Variants in TTC38 observed in about 807,000 individuals in gnomAD.
The protein encoded by TTC38 is tetratricopeptide repeat domain 38, also known as tetratricopeptide repeat protein 38.
Under a neutral mutation model 64.2 loss-of-function variants are expected in TTC38, and 64 were observed. The ratio of observed to expected loss-of-function variants is 1.00; its 90% CI spans 0.81 to 1.23. The LOEUF (loss-of-function observed/expected upper bound fraction) is 1.23, where lower values mean the gene tolerates loss of function less well. Ranked by LOEUF, TTC38 falls within the 50% of genes most tolerant of loss-of-function variation. TTC38 has a pLI of 0.00. For synonymous variants in TTC38, 254 were observed against 249.3 expected, an observed-to-expected ratio of 1.02 and a Z score of -0.18; for missense variants, 573 against 615.5, an observed-to-expected ratio of 0.93 and a Z score of 0.73.
intron 8 of TTC38, 143 bp from the exon 9 acceptor site, chr22:46,285,098 G>A (rs891589191): frequency 2.0e-5 from 14 of 706,102 alleles, no homozygotes; most frequent in African/African-American, 5.3e-5. Flanking sequence ...ATGCCACCAA[G>A]ACACCGTCCG....
rs1361110903 is a variant in TTC38, at chr22:46,289,884, A to G, written c.1301A>G (p.His434Arg). The change falls in exon 13 of 14, where the codon CAT (histidine) becomes CGT (arginine). Residue 434 changes from histidine (H) to arginine (R), a missense_variant. His to Arg is a conservative substitution (Grantham distance 29). Coordinates refer to ENST00000381031, the MANE Select transcript of TTC38 (RefSeq NM_017931.4). ...GCCTTAAACTGCACCTCCAGCGTCC[A>G]TAAGAACGTAGCCCGGTGAGCTCCT... ...HAALNCTSSV[H>R]KNVARSLLME... 5 of 1,614,142 alleles carry G rather than the reference A, an allele frequency of 3.1e-6. No homozygotes were observed. The highest frequency in any genetic ancestry group is 4.2e-6 in the Non-Finnish European group (5 of 1,180,018).
Position 46,292,929 on chromosome 22 carries a change from C to A in TTC38, c.*45C>A. ...CCCTGCAGAACCTCAGTGGTGGCGT[C>A]ACTGCGTCCAGTCAGCTGCTCCACC... On this transcript the variant is annotated 3_prime_UTR_variant, in exon 14 of 14. Coordinates refer to ENST00000381031, the MANE Select transcript of TTC38 (RefSeq NM_017931.4). The surrounding 1 kb of genome is among the most constrained non-coding windows in gnomAD (Gnocchi z 6.5). The A allele has an allele frequency of 6.8e-7, 1 of 1,472,930 alleles. No homozygotes were observed. Among genetic ancestry groups the A allele is most frequent in the Non-Finnish European group, 9.5e-7 (1 of 1,054,110 alleles). 91.2% of individuals were successfully genotyped at this position (1,472,930 alleles called of 1,614,324 possible).
chr22:46,274,486 C>T lies in TTC38; in HGVS notation c.365+417C>T, dbSNP rs529088927. ...TGCACTGACTTTCACATCATCCCCC[C>T]GCTGTTCCTATGCTGGTTCCCTCAT... On this transcript the variant is annotated intron_variant, in intron 4 of 13. Transcript: ENST00000381031. The surrounding 1 kb of genome is among the most constrained non-coding windows in gnomAD (Gnocchi z 4.8). 2.6e-5 allele frequency among the ~76,000 whole-genome samples: 4 copies of T among 152,228 alleles called. No individual in the cohort carries two copies. The highest frequency in any genetic ancestry group is 6.5e-5 in the Admixed American group (1 of 15,290).
At chr22:46,286,036 A>G (rs2147798966) in intron 9 of TTC38, among the ~76,000 whole-genome samples, 1 of 151,310 alleles carries the variant, frequency 6.6e-6, no homozygotes, top group East Asian at 1.9e-4. Context: ...AAAAAAGTGT[A>G]TAGCTCTGTG....
In TTC38 at chr22:46,275,887, C is replaced by A. The variant is rs937862666; in HGVS notation, c.539+466C>A. Among the ~76,000 whole-genome samples, 1 of 152,152 alleles carries A rather than the reference C, an allele frequency of 6.6e-6. No individual in the cohort carries two copies. The highest frequency in any genetic ancestry group is 2.4e-5 in the African/African-American group (1 of 41,414). ...ATTAAAGGTTTAGAATGAAAGGATA[C>A]CCTGCCACTCCCAAGTCATTGGCCA... On this transcript the variant is annotated intron_variant, in intron 5 of 13. Coordinates refer to ENST00000381031, the MANE Select transcript of TTC38 (RefSeq NM_017931.4). This position sits in a 1 kb window ranked among gnomAD's most constrained non-coding sequence, Gnocchi z 4.5.
At chr22:46,277,042 T>TACACAC (rs1478498696) in intron 5 of TTC38, among the ~76,000 whole-genome samples, 32 of 71,452 alleles carry the variant, frequency 4.5e-4, no homozygotes, top group African/African-American at 1.6e-3. Flanking sequence ...TACATATATA[T>TACACAC]ACATACACAC....
chr22:46,284,055 C>A (rs758771563), intron 8 of TTC38, 23 bp downstream of exon 8: 1 of 1,583,856 alleles, frequency 6.3e-7, no homozygotes, highest in Non-Finnish European at 8.6e-7. Context: ...TCTGTTTGCA[C>A]TGTCTTATCC....
chr22:46,271,915 T>C lies in TTC38; in HGVS notation c.112-420T>C, dbSNP rs748961737. ...TCATTTCTTCGTATGAAGAAAGTTATCAGCCAGGTTATGCCTTCTTTGGGT... is the reference window on the plus strand; with the variant it reads ...TCATTTCTTCGTATGAAGAAAGTTACCAGCCAGGTTATGCCTTCTTTGGGT... On this transcript the variant is annotated intron_variant, in intron 2 of 13. Coordinates refer to ENST00000381031, the MANE Select transcript of TTC38 (RefSeq NM_017931.4). The surrounding 1 kb of genome is among the most constrained non-coding windows in gnomAD (Gnocchi z 5.5). 6.6e-6 allele frequency among the ~76,000 whole-genome samples: 1 copy of C among 152,254 alleles called. No individual in the cohort carries two copies. Among genetic ancestry groups the C allele is most frequent in the Non-Finnish European group, 1.5e-5 (1 of 68,046 alleles).
Position 46,272,402 on chromosome 22 carries a change from C to G in TTC38, c.179C>G (p.Ala60Gly). Residue 60 changes from alanine (A) to glycine (G), a missense_variant, in exon 3 of 14, where the codon GCA becomes GGA. Coordinates refer to ENST00000381031, the MANE Select transcript of TTC38 (RefSeq NM_017931.4). The surrounding 1 kb of genome is among the most constrained non-coding windows in gnomAD (Gnocchi z 6.4). ...IEGCLSKLKAADPTFVMGHAM... is the reference protein window; with the variant it reads ...IEGCLSKLKAGDPTFVMGHAM... ...GGCTGCCTGTCAAAGCTCAAAGCAG[C>G]AGATCCAACCTTTGGTGAGTAACGC... The G allele has an allele frequency of 6.2e-7, 1 of 1,613,748 alleles. No homozygotes were observed. Among genetic ancestry groups the G allele is most frequent in the Non-Finnish European group, 8.5e-7 (1 of 1,179,774 alleles).
Position 46,282,119 on chromosome 22 carries a change from C to A in TTC38, c.735+401C>A. 1 of 393,040 alleles carries A rather than the reference C, an allele frequency of 2.5e-6. No homozygotes were observed. The highest frequency in any genetic ancestry group is 5.3e-6 in the Non-Finnish European group (1 of 187,486). The allele number at this position is 393,040 out of a possible 1,614,324, so 24.3% of individuals were successfully genotyped here. Reference sequence around the variant, plus strand: ...GCTAGGGAAGGCATCCTGGAGGGGGCAACCTCTGAGTTGGCTACTGAAGGA... The same window carrying A: ...GCTAGGGAAGGCATCCTGGAGGGGGAAACCTCTGAGTTGGCTACTGAAGGA... On this transcript the variant is annotated intron_variant, in intron 7 of 13. Coordinates refer to ENST00000381031, the MANE Select transcript of TTC38 (RefSeq NM_017931.4). This position sits in a 1 kb window ranked among gnomAD's most constrained non-coding sequence, Gnocchi z 4.4.
intron 6 of TTC38, among the ~76,000 whole-genome samples, chr22:46,279,289 C>T (rs955038232): frequency 6.6e-6 from 1 of 152,174 alleles, no homozygotes; most frequent in African/African-American, 2.4e-5. Flanking sequence ...GAAACTGAGG[C>T]CCATGGAGGG....
chr22:46,288,632 G>A (rs373954739), intron 11 of TTC38, 44 bp downstream of exon 11: 275 of 1,590,318 alleles, frequency 1.7e-4, no homozygotes, highest in Admixed American at 2.7e-4. Context: ...TCACCCTGCC[G>A]AGAGGGTGAG....
chr22:46,268,095 C>T (rs2147780853), intron 1 of TTC38, 23 bp downstream of exon 1: 3 of 1,536,616 alleles, frequency 2.0e-6, no homozygotes, highest in East Asian at 5.0e-5. Context: ...TGCCCCCAAC[C>T]AGGTCCCCCT....
Position 46,273,440 on chromosome 22 carries a change from T to C in TTC38, c.194-458T>C, listed in dbSNP as rs1181667618. Reference sequence around the variant, plus strand: ...GGCTGCTGCGAGGGCCACAAGGCACTCACCCCCACCCTAACTTTTAGCATG... The same window carrying C: ...GGCTGCTGCGAGGGCCACAAGGCACCCACCCCCACCCTAACTTTTAGCATG... On this transcript the variant is annotated intron_variant, in intron 3 of 13. Coordinates refer to ENST00000381031, the MANE Select transcript of TTC38 (RefSeq NM_017931.4). This position sits in a 1 kb window ranked among gnomAD's most constrained non-coding sequence, Gnocchi z 5.1. 6.6e-6 allele frequency among the ~76,000 whole-genome samples: 1 copy of C among 152,240 alleles called. No individual in the cohort carries two copies. Among genetic ancestry groups the C allele is most frequent in the African/African-American group, 2.4e-5 (1 of 41,464 alleles).
At chr22:46,287,270 C>T (rs951189783) in intron 10 of TTC38, 116 bp downstream of exon 10, 13 of 855,328 alleles carry the variant, frequency 1.5e-5, no homozygotes, top group Non-Finnish European at 2.1e-5. Context: ...CGCTCCAGAC[C>T]CCTCTGCAGG....
intron 6 of TTC38, chr22:46,280,317 G>A (rs1027443184): frequency 1.2e-5 from 5 of 408,914 alleles, no homozygotes; most frequent in Non-Finnish European, 2.5e-5. Flanking sequence ...GGCAAGCCAG[G>A]GCTCCAGGAG....
At position 46,276,741 on chromosome 22, in the gene TTC38, A is replaced by G. The variant is rs1208466932; in HGVS notation, c.539+1320A>G. 2.1e-5 allele frequency among the ~76,000 whole-genome samples: 3 copies of G among 145,952 alleles called. No individual in the cohort carries two copies. Among genetic ancestry groups the G allele is most frequent in the African/African-American group, 2.5e-5 (1 of 40,092 alleles). ...AAAAATATATATATTAAAAAAATAT[A>G]TATAAAATACATATATTAAAAATAT... On this transcript the variant is annotated intron_variant, in intron 5 of 13. Coordinates refer to ENST00000381031, the MANE Select transcript of TTC38 (RefSeq NM_017931.4). This position sits in a 1 kb window ranked among gnomAD's most constrained non-coding sequence, Gnocchi z 4.7.
At position 46,287,140 on chromosome 22, in the gene TTC38, G is replaced by A. The variant is rs199850063; in HGVS notation, c.902G>A (p.Arg301His). 2.1e-4 allele frequency: 339 copies of A among 1,602,134 alleles called. No individual in the cohort carries two copies. Among genetic ancestry groups the A allele is most frequent in the Non-Finnish European group, 2.7e-4 (315 of 1,173,934 alleles). ...GTGGACAGCTGCTCCATGCTCTACC[G>A]CCTGCAGATGGAAGGTAGCCATCCC... Reference protein sequence around the residue: ...DVVDSCSMLYRLQMEGVSVGQ... With the variant: ...DVVDSCSMLYHLQMEGVSVGQ... Residue 301 changes from arginine (R) to histidine (H), a missense_variant, in exon 10 of 14, where the codon CGC becomes CAC. By Grantham distance (29) the Arg-to-His change is conservative. Transcript: ENST00000381031.
Position 46,268,037 on chromosome 22 carries a change from A to G in TTC38, c.-3A>G. On this transcript the variant is annotated 5_prime_UTR_variant, in exon 1 of 14. Coordinates refer to ENST00000381031, the MANE Select transcript of TTC38 (RefSeq NM_017931.4). Reference sequence around the variant, plus strand: ...CTCGCGGTGGACTCCGACCCGGCGCAACATGGCCGCAGCCTCGCCTCTGCG... The same window carrying G: ...CTCGCGGTGGACTCCGACCCGGCGCGACATGGCCGCAGCCTCGCCTCTGCG... The G allele has an allele frequency of 6.5e-7, 1 of 1,540,918 alleles. No homozygotes were observed. Among genetic ancestry groups the G allele is most frequent in the Non-Finnish European group, 8.7e-7 (1 of 1,149,988 alleles).
Sources: allele counts gnomAD v4.1 joint callset (sites outside exome capture counted in the v4.1 genomes callset), GRCh38; gene constraint gnomAD v4.1.1; non-coding constraint Gnocchi (gnomAD v3.1); transcripts MANE v1.5; gene names NCBI Gene and HGNC (gene_info 2026-07-23, HGNC 2026-07-21).